Variants in SCFD2 observed in about 807,000 individuals in gnomAD.
The protein encoded by SCFD2 is sec1 family domain containing 2, also known as sec1 family domain-containing protein 2.
In SCFD2, 54 loss-of-function variants were observed where a neutral mutation model predicts 58.9. The ratio of observed to expected loss-of-function variants is 0.92; its 90% CI spans 0.74 to 1.15. The LOEUF (loss-of-function observed/expected upper bound fraction) is 1.15. SCFD2 is among the 50% of genes most tolerant of loss of function. The pLI is 0.00. For missense variants in SCFD2, 805 were observed against 836.6 expected, an observed-to-expected ratio of 0.96 and a Z score of 0.47; for synonymous variants, 321 against 335.9, an observed-to-expected ratio of 0.96 and a Z score of 0.49.
intron 4 of SCFD2, among the ~76,000 whole-genome samples, chr4:53,268,870 A>G (rs562597316): frequency 6.6e-6 from 1 of 152,304 alleles, no homozygotes; most frequent in East Asian, 1.9e-4. Context: ...GCCACAGGGA[A>G]GCAACTCTAT....
At chr4:53,219,270 T>C (rs1284736156) in intron 4 of SCFD2, among the ~76,000 whole-genome samples, 1 of 152,220 alleles carries the variant, frequency 6.6e-6, no homozygotes, top group Non-Finnish European at 1.5e-5. Flanking sequence ...CTCCTTGAGC[T>C]GCCGTTGGCT....
intron 7 of SCFD2, among the ~76,000 whole-genome samples, chr4:52,902,003 A>T (rs1319512248): frequency 6.6e-6 from 1 of 152,208 alleles, no homozygotes; most frequent in Non-Finnish European, 1.5e-5. Context: ...CCTGGAATGG[A>T]GGTCTCCATT....
chr4:53,343,462 T>C (rs1224874522), intron 2 of SCFD2, among the ~76,000 whole-genome samples: 2 of 152,082 alleles, frequency 1.3e-5, no homozygotes, highest in African/African-American at 4.8e-5. Context: ...CAATAATTAA[T>C]AGCCTACCCA....
At chr4:53,201,945 G>T (rs1322997854) in intron 4 of SCFD2, among the ~76,000 whole-genome samples, 2 of 152,066 alleles carry the variant, frequency 1.3e-5, no homozygotes, top group African/African-American at 4.8e-5. Context: ...AGATGAGTAG[G>T]TTGCAAAAAT....
intron 3 of SCFD2, among the ~76,000 whole-genome samples, chr4:53,274,480 C>T (rs773238859): frequency 2.0e-5 from 3 of 152,028 alleles, no homozygotes; most frequent in East Asian, 1.9e-4. Flanking sequence ...TCAGTGAGTT[C>T]ATGACAATAT....
At chr4:52,920,931 C>T in intron 5 of SCFD2, 61 bp from the exon 6 acceptor site, 1 of 1,099,754 alleles carries the variant, frequency 9.1e-7, no homozygotes, top group Non-Finnish European at 1.3e-6. Flanking sequence ...ATCATGACAG[C>T]TTGAGCTCGA....
intron 2 of SCFD2, among the ~76,000 whole-genome samples, chr4:53,341,016 G>T (rs1462142403): frequency 1.3e-5 from 2 of 152,176 alleles, no homozygotes; most frequent in Non-Finnish European, 2.9e-5. Context: ...GGAAAAAACA[G>T]AGCAGAAAAG....
rs1178532253 is a variant in SCFD2 at position 53,019,400 on chromosome 4, A to G, written c.1562-98530T>C. On this transcript the variant is annotated intron_variant, in intron 5 of 8. Transcript: ENST00000401642. Reference sequence around the variant, plus strand: ...TATATGTATATGCTTATGAATTGAAATAAGTTTATCAAAATATTTACAGTG... The same window carrying G: ...TATATGTATATGCTTATGAATTGAAGTAAGTTTATCAAAATATTTACAGTG... 2.0e-5 allele frequency among the ~76,000 whole-genome samples: 3 copies of G among 152,230 alleles called. No homozygotes were observed. In the East Asian group the frequency reaches 5.8e-4, roughly 29 times the overall value.
intron 2 of SCFD2, among the ~76,000 whole-genome samples, chr4:53,330,553 T>A (rs6852852): frequency 0.59 from 89,122 of 151,736 alleles, 26,344 homozygotes; most frequent in Middle Eastern, 0.66. Context: ...GCTGAGAGAT[T>A]TTGTCACCAC....
intron 5 of SCFD2, among the ~76,000 whole-genome samples, chr4:53,140,974 A>C (rs1726119038): frequency 6.6e-6 from 1 of 152,218 alleles, no homozygotes; most frequent in Non-Finnish European, 1.5e-5. Flanking sequence ...AGCCAATCAT[A>C]TACCCAAAAG....
chr4:53,352,651 A>G lies in SCFD2; in HGVS notation c.954T>C (p.His318=). Residue 318 remains histidine (H), a synonymous_variant, in exon 2 of 9, where the codon CAT becomes CAC. Coordinates refer to ENST00000401642, the MANE Select transcript of SCFD2 (RefSeq NM_152540.4). Reference sequence around the variant, plus strand: ...CCACATTATAATTTTCCTCCTCAGTATGGAGTGCAGTGAGCGCTATCATGT... The same window carrying G: ...CCACATTATAATTTTCCTCCTCAGTGTGGAGTGCAGTGAGCGCTATCATGT... The part of the protein sequence containing the change: ...MVNMIALTAL[H]TEEENYNVVA... 1 of 1,614,068 alleles carries G rather than the reference A, an allele frequency of 6.2e-7. No individual in the cohort carries two copies. The highest frequency in any genetic ancestry group is 8.5e-7 in the Non-Finnish European group (1 of 1,179,924).
intron 4 of SCFD2, among the ~76,000 whole-genome samples, chr4:53,204,574 A>T (rs1728351403): frequency 6.6e-6 from 1 of 151,388 alleles, no homozygotes; most frequent in Non-Finnish European, 1.5e-5. Flanking sequence ...AGGTTAAAAA[A>T]CTTTTTGAAT....
intron 3 of SCFD2, among the ~76,000 whole-genome samples, chr4:53,297,424 T>C (rs1732078659): frequency 6.6e-6 from 1 of 152,172 alleles, no homozygotes; most frequent in Non-Finnish European, 1.5e-5. Flanking sequence ...CATTCTTAGT[T>C]TAAGGTCTCT....
intron 4 of SCFD2, among the ~76,000 whole-genome samples, chr4:53,207,127 C>T (rs1371011284): frequency 6.6e-6 from 1 of 151,894 alleles, no homozygotes; most frequent in Admixed American, 6.6e-5. Flanking sequence ...AGATAACTAA[C>T]CTGCTCCCAT....
intron 2 of SCFD2, among the ~76,000 whole-genome samples, chr4:53,328,550 C>T (rs528333663): frequency 3.3e-5 from 5 of 152,092 alleles, no homozygotes; most frequent in South Asian, 2.1e-4. Flanking sequence ...GAATAAAATA[C>T]GAATCTATTA....
chr4:53,095,534 C>T (rs1383796179), intron 5 of SCFD2, among the ~76,000 whole-genome samples: 9 of 152,276 alleles, frequency 5.9e-5, no homozygotes, highest in Non-Finnish European at 8.8e-5. Flanking sequence ...TGCTCCCAGT[C>T]TTACTCCCCT....
In SCFD2 at chr4:53,309,064, C is replaced by T. The variant is rs151051731; in HGVS notation, c.1135+4572G>A. ...AGGAGAATCGCTTGAACCCAGGCGG[C>T]GGAGGTTGCAGTGAGCCGAGATCAC... On this transcript the variant is annotated intron_variant, in intron 3 of 8. Transcript: ENST00000401642. Among the ~76,000 whole-genome samples the T allele has an allele frequency of 2.2e-3, 327 of 151,390 alleles. 2 individuals carry two copies. The highest frequency in any genetic ancestry group is 7.0e-3 in the African/African-American group (290 of 41,198).
At chr4:53,351,358 A>G (rs985025380) in intron 2 of SCFD2, among the ~76,000 whole-genome samples, 2 of 152,148 alleles carry the variant, frequency 1.3e-5, no homozygotes, top group Non-Finnish European at 2.9e-5. Context: ...CACTTCCTCA[A>G]GGTCTACATT....
intron 5 of SCFD2, among the ~76,000 whole-genome samples, chr4:53,002,447 C>T (rs1281556873): frequency 6.6e-6 from 1 of 152,152 alleles, no homozygotes; most frequent in East Asian, 1.9e-4. Context: ...TGAACAACAG[C>T]AGCCTTGCTT....
Sources: gnomAD v4.1 joint callset for allele counts (sites outside exome capture counted in the v4.1 genomes callset) on GRCh38, gnomAD v4.1.1 for gene constraint, MANE v1.5 for transcripts, NCBI Gene and HGNC (gene_info 2026-07-23, HGNC 2026-07-21) for gene names.